The following SLC35F4 variants were observed in gnomAD, a reference collection of about 807,000 sequenced individuals.
SLC35F4 encodes chromosome 14 open reading frame 36.
Under a neutral mutation model 44.2 loss-of-function variants are expected in SLC35F4, and 24 were observed. The ratio of observed to expected loss-of-function variants is 0.54; its 90% CI spans 0.39 to 0.76. The LOEUF (loss-of-function observed/expected upper bound fraction) is 0.76. Among genes scored for constraint, SLC35F4 ranks in the 30% least tolerant of loss-of-function variants. The pLI, the probability that SLC35F4 is intolerant of heterozygous loss-of-function variation, is 0.00. For missense variants in SLC35F4, 562 were observed against 586.1 expected (o/e 0.96, Z 0.42); for synonymous variants, 238 against 223.6 (o/e 1.06, Z -0.57).
chr14:57,893,255 A>G (rs975360279), intron 1 of SLC35F4, among the ~76,000 whole-genome samples: 1 of 152,222 alleles, frequency 6.6e-6, no homozygotes, highest in Non-Finnish European at 1.5e-5. Context: ...CACTGTCTTC[A>G]TGAAGCTATG....
At chr14:57,839,777 T>G (rs1164748328) in intron 1 of SLC35F4, among the ~76,000 whole-genome samples, 1 of 151,900 alleles carries the variant, frequency 6.6e-6, no homozygotes, top group African/African-American at 2.4e-5. Context: ...CAGAAAAAAA[T>G]GTACATGCTC....
At chr14:57,820,882 A>G (rs895963788) in intron 1 of SLC35F4, among the ~76,000 whole-genome samples, 5 of 152,234 alleles carry the variant, frequency 3.3e-5, no homozygotes, top group African/African-American at 1.2e-4. Flanking sequence ...GCTGATTTCT[A>G]ATCATGCCAC....
chr14:57,610,975 C>T (rs772168379), intron 1 of SLC35F4, among the ~76,000 whole-genome samples: 27 of 152,142 alleles, frequency 1.8e-4, no homozygotes, highest in Non-Finnish European at 2.8e-4. Flanking sequence ...CTGTGAAGAA[C>T]GCAAGAGTGG....
intron 1 of SLC35F4, among the ~76,000 whole-genome samples, chr14:57,876,448 G>A (rs950439971): frequency 6.6e-6 from 1 of 151,946 alleles, no homozygotes; most frequent in African/African-American, 2.4e-5. Flanking sequence ...AGAGCGCGAG[G>A]GAGTTATTTC....
intron 1 of SLC35F4, among the ~76,000 whole-genome samples, chr14:57,648,835 A>G (rs1331276199): frequency 6.6e-6 from 1 of 152,224 alleles, no homozygotes; most frequent in Non-Finnish European, 1.5e-5. Flanking sequence ...CAGGTAATAT[A>G]TTGCATAGAC....
chr14:57,585,471 A>G (rs1431142365), intron 3 of SLC35F4, among the ~76,000 whole-genome samples: 2 of 152,186 alleles, frequency 1.3e-5, no homozygotes, highest in Non-Finnish European at 2.9e-5. Flanking sequence ...TATTCAACAT[A>G]GTATTGGAAG....
At chr14:57,828,836 C>T (rs1884060625) in intron 1 of SLC35F4, among the ~76,000 whole-genome samples, 1 of 152,176 alleles carries the variant, frequency 6.6e-6, no homozygotes, top group Admixed American at 6.5e-5. Context: ...GAGCAGAGCT[C>T]CACAAGGGTA....
chr14:57,883,166 A>G (rs1888575704), intron 1 of SLC35F4, among the ~76,000 whole-genome samples: 2 of 152,176 alleles, frequency 1.3e-5, no homozygotes, highest in African/African-American at 2.4e-5. Context: ...AAAGCCTGGT[A>G]TAGATGAGGC....
chr14:57,664,228 C>T (rs2074233742), intron 1 of SLC35F4, among the ~76,000 whole-genome samples: 2 of 152,128 alleles, frequency 1.3e-5, no homozygotes, highest in African/African-American at 2.4e-5. Flanking sequence ...AACTACATTA[C>T]TTGTCACTTC....
chr14:57,591,625 C>T (rs964498495), intron 2 of SLC35F4, among the ~76,000 whole-genome samples: 1 of 152,204 alleles, frequency 6.6e-6, no homozygotes, highest in Admixed American at 6.5e-5. Context: ...ATCAGTATGA[C>T]TCCAGGGTCT....
chr14:57,586,142 G>A (rs541084127), intron 3 of SLC35F4, among the ~76,000 whole-genome samples: 9 of 152,216 alleles, frequency 5.9e-5, no homozygotes, highest in South Asian at 4.2e-4. Flanking sequence ...ATAGACCAAT[G>A]GAACAGAACA....
At chr14:57,932,652 C>G (rs564417139) in intron 1 of SLC35F4, among the ~76,000 whole-genome samples, 1 of 152,206 alleles carries the variant, frequency 6.6e-6, no homozygotes, top group East Asian at 1.9e-4. Flanking sequence ...AGTTCAAGAC[C>G]AGCCAGGCCA....
intron 1 of SLC35F4, among the ~76,000 whole-genome samples, chr14:57,693,727 G>T (rs1204440445): frequency 2.0e-5 from 3 of 152,106 alleles, no homozygotes; most frequent in African/African-American, 4.8e-5. Flanking sequence ...CTATATTTCT[G>T]TGTGTGTGTC....
chr14:57,787,342 G>A (rs534691143), intron 1 of SLC35F4, among the ~76,000 whole-genome samples: 1 of 152,238 alleles, frequency 6.6e-6, no homozygotes, highest in South Asian at 2.1e-4. Flanking sequence ...ACATATTTGG[G>A]GGAATAATTG....
chr14:57,704,603 G>A (rs907881642), intron 1 of SLC35F4, among the ~76,000 whole-genome samples: 1 of 152,122 alleles, frequency 6.6e-6, no homozygotes, highest in Non-Finnish European at 1.5e-5. Context: ...ACTGGCCCCT[G>A]TTGCGGGAGA....
intron 1 of SLC35F4, among the ~76,000 whole-genome samples, chr14:57,881,428 T>C (rs561219668): frequency 6.6e-6 from 1 of 152,198 alleles, no homozygotes; most frequent in Non-Finnish European, 1.5e-5. Flanking sequence ...ATTCCACATA[T>C]GTACATAATA....
intron 1 of SLC35F4, among the ~76,000 whole-genome samples, chr14:57,960,197 G>A (rs897851837): frequency 1.3e-5 from 2 of 152,218 alleles, no homozygotes; most frequent in African/African-American, 4.8e-5. Context: ...GCTGGTGATT[G>A]CAGTAATATC....
At chr14:57,671,326 A>G (rs997011353) in intron 1 of SLC35F4, among the ~76,000 whole-genome samples, 1 of 151,886 alleles carries the variant, frequency 6.6e-6, no homozygotes, top group African/African-American at 2.4e-5. Context: ...CTCAGGTCCA[A>G]AAGAGACCTC....
At chr14:57,576,313 G>C (rs1048607021) in intron 4 of SLC35F4, among the ~76,000 whole-genome samples, 1 of 152,154 alleles carries the variant, frequency 6.6e-6, no homozygotes, top group African/African-American at 2.4e-5. Flanking sequence ...TGAGTATGAA[G>C]CAGCTGGTTC....
Sources: gnomAD v4.1 joint callset for allele counts (sites outside exome capture counted in the v4.1 genomes callset) on GRCh38, gnomAD v4.1.1 for gene constraint, MANE v1.5 for transcripts, NCBI Gene and HGNC (gene_info 2026-07-23, HGNC 2026-07-21) for gene names.